SUMF1: variants seen among roughly 807,000 people sequenced by gnomAD.
SUMF1 encodes the protein sulfatase modifying factor 1, also known as formylglycine-generating enzyme.
A neutral mutation model predicts 47.6 loss-of-function variants in SUMF1; 48 were observed. The ratio of observed to expected loss-of-function variants is 1.01; its 90% CI spans 0.80 to 1.28. SUMF1 has a LOEUF of 1.28. SUMF1 is among the 50% of genes most tolerant of loss of function. SUMF1 has a pLI of 0.00. For missense variants in SUMF1, 571 were observed against 485.4 expected, an observed-to-expected ratio of 1.18 and a Z score of -1.66; for synonymous variants, 230 against 192.1, an observed-to-expected ratio of 1.20 and a Z score of -1.63.
At chr3:4,301,477 G>GT (rs2125064334) in intron 8 of SUMF1, among the ~76,000 whole-genome samples, 1 of 152,342 alleles carries the variant, frequency 6.6e-6, no homozygotes, top group South Asian at 2.1e-4. Flanking sequence ...AGCAGCGGCA[G>GT]TAAGGGTGAT....
intron 8 of SUMF1, among the ~76,000 whole-genome samples, chr3:4,077,110 C>A (rs762851830): frequency 2.6e-5 from 4 of 152,080 alleles, no homozygotes; most frequent in Non-Finnish European, 5.9e-5. Context: ...ACTGAGATAC[C>A]ATCTCACACC....
intron 8 of SUMF1, among the ~76,000 whole-genome samples, chr3:4,298,217 C>A (rs1697897699): frequency 6.6e-6 from 1 of 152,118 alleles, no homozygotes; most frequent in Admixed American, 6.5e-5. Flanking sequence ...TAATGGTTTG[C>A]AGAACAAATT....
intron 8 of SUMF1, among the ~76,000 whole-genome samples, chr3:4,173,399 T>A (rs1293959750): frequency 6.6e-6 from 1 of 152,166 alleles, no homozygotes; most frequent in East Asian, 1.9e-4. Flanking sequence ...GGAGAGGATG[T>A]AGAGAAATAG....
At position 4,376,356 on chromosome 3, in the gene SUMF1, T is replaced by C; in HGVS notation, c.988A>G (p.Lys330Glu). ...GPPSGKDRVK[K>E]GGSYMCHRSY... ...CTATGGCACATGTAGGATCCACCTT[T>C]CTTCACTCGGTCTTTCCCAGAAGGG... The change falls in exon 8 of 9, where the codon AAA becomes GAA. Residue 330 changes from lysine (K) to glutamate (E), a missense_variant. By Grantham distance (56) the Lys-to-Glu change is moderately conservative (BLOSUM62 1). Transcript: ENST00000272902. The C allele has an allele frequency of 6.2e-7, 1 of 1,614,188 alleles. No homozygotes were observed. Among genetic ancestry groups the C allele is most frequent in the Non-Finnish European group, 8.5e-7 (1 of 1,180,010 alleles).
intron 8 of SUMF1, among the ~76,000 whole-genome samples, chr3:4,353,562 A>C (rs1366327881): frequency 6.6e-6 from 1 of 152,146 alleles, no homozygotes; most frequent in African/African-American, 2.4e-5. Context: ...TAATTTTTTA[A>C]CATAAAAATA....
intron 9 of SUMF1, among the ~76,000 whole-genome samples, chr3:4,058,046 A>G (rs1053124087): frequency 2.6e-5 from 4 of 152,146 alleles, no homozygotes; most frequent in African/African-American, 7.2e-5. Flanking sequence ...AGTACTTTGT[A>G]TATAGTAACT....
chr3:4,251,276 T>A (rs571768783), intron 8 of SUMF1, among the ~76,000 whole-genome samples: 108 of 152,286 alleles, frequency 7.1e-4, no homozygotes, highest in Non-Finnish European at 1.3e-3. Context: ...GAATTAGAAG[T>A]GGAGCCTGAA....
chr3:4,330,386 C>T (rs1281373912), intron 8 of SUMF1, among the ~76,000 whole-genome samples: 1 of 152,236 alleles, frequency 6.6e-6, no homozygotes, highest in Non-Finnish European at 1.5e-5. Context: ...AATGGATTCA[C>T]AGTTCCACAT....
intron 8 of SUMF1, among the ~76,000 whole-genome samples, chr3:4,211,021 C>A (rs1206129656): frequency 1.3e-5 from 2 of 149,856 alleles, no homozygotes; most frequent in African/African-American, 4.9e-5. Flanking sequence ...GGGACTCAGA[C>A]TGGTTTCCTT....
intron 8 of SUMF1, among the ~76,000 whole-genome samples, chr3:4,184,932 G>A (rs754531819): frequency 1.3e-5 from 2 of 152,060 alleles, no homozygotes; most frequent in Non-Finnish European, 2.9e-5. Flanking sequence ...TTACAGGCGT[G>A]AGCCACCGCA....
intron 7 of SUMF1, among the ~76,000 whole-genome samples, chr3:4,391,083 T>A: frequency 6.6e-6 from 1 of 152,338 alleles, no homozygotes; most frequent in East Asian, 1.9e-4. Flanking sequence ...TCTTTGATTA[T>A]GTCACACCAT....
chr3:4,202,298 G>T (rs149636514), intron 8 of SUMF1, among the ~76,000 whole-genome samples: 2 of 151,838 alleles, frequency 1.3e-5, no homozygotes, highest in Non-Finnish European at 2.9e-5. Flanking sequence ...ACAGATAGGG[G>T]TCTCATTTCA....
At chr3:4,131,911 G>A (rs1438386753) in intron 8 of SUMF1, among the ~76,000 whole-genome samples, 1 of 152,120 alleles carries the variant, frequency 6.6e-6, no homozygotes, top group African/African-American at 2.4e-5. Context: ...GGCAAGGATG[G>A]AGGTTACACA....
chr3:4,274,754 T>TTA (rs978083414), intron 8 of SUMF1, among the ~76,000 whole-genome samples: 3 of 152,108 alleles, frequency 2.0e-5, no homozygotes, highest in Admixed American at 2.0e-4. Flanking sequence ...GTCACCCTGC[T>TTA]TAGGAGACGA....
intron 8 of SUMF1, among the ~76,000 whole-genome samples, chr3:4,128,831 T>C (rs1440596201): frequency 1.3e-5 from 2 of 152,142 alleles, no homozygotes; most frequent in Admixed American, 6.5e-5. Flanking sequence ...CTGAATGTAT[T>C]AATTTGGGCC....
chr3:4,404,713 G>A (rs548264894), intron 7 of SUMF1, among the ~76,000 whole-genome samples: 3 of 152,302 alleles, frequency 2.0e-5, no homozygotes, highest in East Asian at 1.9e-4. Flanking sequence ...GCAGTGAGCT[G>A]AGATAGTGCC....
At chr3:4,247,214 T>C (rs943333352) in intron 8 of SUMF1, among the ~76,000 whole-genome samples, 32 of 152,174 alleles carry the variant, frequency 2.1e-4, no homozygotes, top group African/African-American at 7.0e-4. Context: ...AGTAATTAAT[T>C]CACTATGCAA....
intron 8 of SUMF1, among the ~76,000 whole-genome samples, chr3:4,333,818 T>C (rs1699094530): frequency 7.7e-6 from 1 of 129,036 alleles, no homozygotes. Flanking sequence ...ACTAAGCACA[T>C]AATTTTTTTT....
chr3:4,054,101 C>T (rs948641373), intron 9 of SUMF1, among the ~76,000 whole-genome samples: 4 of 152,056 alleles, frequency 2.6e-5, no homozygotes, highest in African/African-American at 4.8e-5. Flanking sequence ...AAACTAATCA[C>T]GTCAGAGAAA....
Sources: allele counts gnomAD v4.1 joint callset (sites outside exome capture counted in the v4.1 genomes callset), GRCh38; gene constraint gnomAD v4.1.1; transcripts MANE v1.5; gene names NCBI Gene and HGNC (gene_info 2026-07-23, HGNC 2026-07-21).